Variants in OSTF1 observed in about 807,000 individuals in gnomAD.
OSTF1 encodes osteoclast stimulating factor 1.
OSTF1 carries 27 observed loss-of-function variants against 37.2 expected under a neutral mutation model. The observed-to-expected ratio is 0.73, with a 90% CI of 0.54 to 1.00. The LOEUF (loss-of-function observed/expected upper bound fraction) is 1.00. Among genes scored for constraint, OSTF1 ranks in the 50% least tolerant of loss-of-function variants. The probability of loss-of-function intolerance (pLI) is 0.00; values close to 1 mark genes in which losing one functional copy is unlikely to be tolerated. For synonymous variants in OSTF1, 82 were observed against 89.2 expected, an observed-to-expected ratio of 0.92 and a Z score of 0.46; for missense variants, 232 against 253.8, an observed-to-expected ratio of 0.91 and a Z score of 0.58.
chr9:75,115,608 CTATT>C (rs1377462924), intron 1 of OSTF1, among the ~76,000 whole-genome samples: 3 of 149,424 alleles, frequency 2.0e-5, no homozygotes, highest in Admixed American at 6.7e-5. Flanking sequence ...TGTTCTAAAT[CTATT>C]TATTTTATTA....
chr9:75,129,416 A>G (rs547966979), intron 3 of OSTF1, among the ~76,000 whole-genome samples: 37 of 152,306 alleles, frequency 2.4e-4, no homozygotes, highest in African/African-American at 8.7e-4. Context: ...AGAAGGAATG[A>G]TAGAATTAGA....
chr9:75,098,410 T>C (rs1292123478), intron 1 of OSTF1, among the ~76,000 whole-genome samples: 8 of 152,226 alleles, frequency 5.3e-5, no homozygotes, highest in Non-Finnish European at 1.0e-4. Context: ...AGGCTCTCGC[T>C]ACATAGGGCA....
chr9:75,123,316 G>A (rs1292183578), intron 2 of OSTF1, among the ~76,000 whole-genome samples: 1 of 152,222 alleles, frequency 6.6e-6, no homozygotes, highest in Non-Finnish European at 1.5e-5. Context: ...CAGCTACTCC[G>A]GAGGCTGAGG....
intron 9 of OSTF1, among the ~76,000 whole-genome samples, chr9:75,144,379 C>T (rs114770120): frequency 1.3e-5 from 2 of 152,020 alleles, no homozygotes; most frequent in African/African-American, 4.8e-5. Flanking sequence ...AGTGAGATGA[C>T]GTCTTTACAA....
At chr9:75,133,790 A>G (rs1445753834) in intron 6 of OSTF1, among the ~76,000 whole-genome samples, 1 of 152,252 alleles carries the variant, frequency 6.6e-6, no homozygotes, top group Non-Finnish European at 1.5e-5. Flanking sequence ...AATGCAAACT[A>G]TTAGATTCAA....
intron 1 of OSTF1, among the ~76,000 whole-genome samples, chr9:75,090,675 A>G (rs957646874): frequency 1.4e-5 from 2 of 147,404 alleles, no homozygotes; most frequent in Non-Finnish European, 3.0e-5. Flanking sequence ...TTAGTTGAAG[A>G]AAAAAAAAAA....
At chr9:75,091,121 T>C (rs1389967315) in intron 1 of OSTF1, among the ~76,000 whole-genome samples, 1 of 143,266 alleles carries the variant, frequency 7.0e-6, no homozygotes. Flanking sequence ...ACTCTCGCTC[T>C]GTTGCCCAGG....
intron 1 of OSTF1, among the ~76,000 whole-genome samples, chr9:75,115,316 G>A (rs1191395971): frequency 6.6e-6 from 1 of 152,084 alleles, no homozygotes; most frequent in East Asian, 1.9e-4. Flanking sequence ...TTTTGAGGCA[G>A]AGTCTTGCTC....
chr9:75,146,220 C>G (rs7871013), intron 9 of OSTF1, among the ~76,000 whole-genome samples: 60,347 of 151,986 alleles, frequency 0.4, 12,260 homozygotes, highest in African/African-American at 0.46. Flanking sequence ...GCTTTATTGT[C>G]GGTGTTTTCT....
chr9:75,099,369 A>T (rs1825149387), intron 1 of OSTF1, among the ~76,000 whole-genome samples: 1 of 151,712 alleles, frequency 6.6e-6, no homozygotes, highest in Non-Finnish European at 1.5e-5. Context: ...CTCCCGCCTC[A>T]GCTTCCTGAG....
intron 8 of OSTF1, among the ~76,000 whole-genome samples, chr9:75,139,231 G>T (rs937610813): frequency 6.6e-6 from 1 of 150,390 alleles, no homozygotes; most frequent in Non-Finnish European, 1.5e-5. Context: ...ATGGAGTTTC[G>T]CCATGTTACC....
intron 8 of OSTF1, among the ~76,000 whole-genome samples, chr9:75,138,533 T>C (rs1213781071): frequency 6.6e-6 from 1 of 152,176 alleles, no homozygotes; most frequent in Non-Finnish European, 1.5e-5. Flanking sequence ...TTTCAAAGAC[T>C]TAGTGAAACA....
At chr9:75,107,377 C>T (rs1825307307) in intron 1 of OSTF1, among the ~76,000 whole-genome samples, 1 of 152,040 alleles carries the variant, frequency 6.6e-6, no homozygotes, top group Non-Finnish European at 1.5e-5. Context: ...AAGATTAATG[C>T]TCCCTGCATG....
rs1224771144 is a variant in OSTF1, at chr9:75,140,924, A to T, written c.578A>T (p.Gln193Leu). 2 of 1,606,332 alleles carry T rather than the reference A, an allele frequency of 1.2e-6. No homozygotes were observed. The highest frequency in any genetic ancestry group is 1.7e-6 in the Non-Finnish European group (2 of 1,173,168). The stretch of plus-strand genomic sequence containing the variant: ...TGTGCATCTCTCCTGAAAAAGAAAC[A>T]GGGAACAGGTATTTGTTTTAAATTC... ...AACASLLKKK[Q>L]GTDAVRTLSN... Residue 193 changes from glutamine (Q) to leucine (L), a missense_variant, in exon 9 of 10, where the codon CAG becomes CTG. By Grantham distance (113) the Gln-to-Leu change is moderately radical. Transcript: ENST00000346234.
intron 1 of OSTF1, among the ~76,000 whole-genome samples, chr9:75,089,169 C>G (rs967150051): frequency 6.6e-6 from 1 of 151,836 alleles, no homozygotes; most frequent in African/African-American, 2.4e-5. Flanking sequence ...AAGTGCAATC[C>G]CTGCAGGGTG....
chr9:75,112,660 C>T (rs1429330528), intron 1 of OSTF1, among the ~76,000 whole-genome samples: 1 of 152,188 alleles, frequency 6.6e-6, no homozygotes, highest in African/African-American at 2.4e-5. Context: ...GTAATATGAT[C>T]ATGAAAGATA....
At chr9:75,127,502 G>T in intron 2 of OSTF1, 67 bp from the exon 3 acceptor site, 1 of 843,158 alleles carries the variant, frequency 1.2e-6, no homozygotes, top group East Asian at 2.7e-5. Flanking sequence ...ATAGAATTTT[G>T]AATCTATATA....
intron 8 of OSTF1, among the ~76,000 whole-genome samples, chr9:75,137,922 C>T (rs1564169256): frequency 2.0e-5 from 3 of 152,104 alleles, no homozygotes; most frequent in Admixed American, 1.3e-4. Context: ...TGTATGTGTA[C>T]ACGTGTGTTG....
intron 1 of OSTF1, among the ~76,000 whole-genome samples, chr9:75,110,309 G>T (rs963025330): frequency 1.3e-5 from 2 of 151,394 alleles, no homozygotes; most frequent in African/African-American, 4.8e-5. Flanking sequence ...CCATAGTTTT[G>T]CCTTTTCCAG....
Sources: allele counts gnomAD v4.1 joint callset (sites outside exome capture counted in the v4.1 genomes callset), GRCh38; gene constraint gnomAD v4.1.1; transcripts MANE v1.5; gene names NCBI Gene and HGNC (gene_info 2026-07-23, HGNC 2026-07-21).